The following PDE8A variants were observed in gnomAD, a reference collection of about 807,000 sequenced individuals.
PDE8A encodes the protein phosphodiesterase 8A, also known as high affinity cAMP-specific and IBMX-insensitive 3',5'-cyclic phosphodiesterase 8A.
A neutral mutation model predicts 105.0 loss-of-function variants in PDE8A; 59 were observed. That is an observed-to-expected ratio of 0.56 (90% CI 0.46 to 0.70). The LOEUF is 0.70. PDE8A is among the 30% of genes least tolerant of loss of function. The pLI, the probability that PDE8A is intolerant of heterozygous loss-of-function variation, is 0.00. For missense variants in PDE8A, 1,014 were observed against 1,045.9 expected (o/e 0.97, Z 0.42); for synonymous variants, 355 against 371.9 (o/e 0.95, Z 0.52).
chr15:85,121,028 T>G lies in PDE8A; in HGVS notation c.1952+14T>G. On this transcript the variant is annotated intron_variant, in intron 18 of 21. Transcript: ENST00000394553. ...AAACATGGAGAGGTAAGAACAATGA[T>G]TGGGAAGTGTGTTGATCCCTCTCTT... is the stretch of plus-strand genomic sequence containing the variant. 3 of 1,507,886 alleles carry G rather than the reference T, an allele frequency of 2.0e-6. No homozygotes were observed. The highest frequency in any genetic ancestry group is 2.8e-6 in the Non-Finnish European group (3 of 1,089,950). The allele number at this position is 1,507,886 out of a possible 1,614,324, so 93.4% of individuals were successfully genotyped here.
intron 1 of PDE8A, among the ~76,000 whole-genome samples, chr15:85,030,873 A>G (rs2080603721): frequency 6.6e-6 from 1 of 152,110 alleles, no homozygotes; most frequent in African/African-American, 2.4e-5. Flanking sequence ...TTTCAGTCAC[A>G]CTCTCTACAA....
chr15:85,055,698 G>T (rs1037788016), intron 1 of PDE8A, among the ~76,000 whole-genome samples: 1 of 152,124 alleles, frequency 6.6e-6, no homozygotes, highest in African/African-American at 2.4e-5. Context: ...TTGAGCCTGT[G>T]TGTGTCTCTG....
At chr15:85,032,779 T>A (rs2080637111) in intron 1 of PDE8A, among the ~76,000 whole-genome samples, 1 of 152,144 alleles carries the variant, frequency 6.6e-6, no homozygotes, top group South Asian at 2.1e-4. Flanking sequence ...TTTTAAAAAA[T>A]CAAAGAATAT....
chr15:85,105,148 A>G (rs1464620227), intron 11 of PDE8A, among the ~76,000 whole-genome samples: 1 of 152,074 alleles, frequency 6.6e-6, no homozygotes, highest in Non-Finnish European at 1.5e-5. Flanking sequence ...CCCAGGCCTC[A>G]TACTTTGCAG....
At chr15:84,982,376 G>T in intron 1 of PDE8A, 28 bp downstream of exon 1, 1 of 1,282,980 alleles carries the variant, frequency 7.8e-7, no homozygotes, top group East Asian at 3.1e-5. Flanking sequence ...CTCTGGGGCC[G>T]CCGCGAAACT....
At chr15:85,075,295 T>G (rs1487588124) in intron 3 of PDE8A, among the ~76,000 whole-genome samples, 1 of 152,236 alleles carries the variant, frequency 6.6e-6, no homozygotes, top group Non-Finnish European at 1.5e-5. Flanking sequence ...TCTTAACCTT[T>G]TCATGAGGTG....
chr15:85,104,035 C>G (rs1382784239), intron 11 of PDE8A, among the ~76,000 whole-genome samples: 3 of 152,192 alleles, frequency 2.0e-5, no homozygotes, highest in Non-Finnish European at 4.4e-5. Flanking sequence ...GTAATAAAAT[C>G]CCAATACATG....
chr15:85,044,950 A>C lies in PDE8A; in HGVS notation c.187-19420A>C, dbSNP rs114749762. ...ATGACCCCTGCTTAGCTGTAACTTC[A>C]TCTCATGACCTTCTTTGTATGGCCC... On this transcript the variant is annotated intron_variant, in intron 1 of 21. Coordinates refer to ENST00000394553, the MANE Select transcript of PDE8A (RefSeq NM_002605.3). Among the ~76,000 whole-genome samples the C allele has an allele frequency of 9.0e-3, 1,367 of 152,190 alleles. 23 individuals are homozygous for C. The highest frequency in any genetic ancestry group is 0.031 in the African/African-American group (1,294 of 41,446).
chr15:85,123,427 TC>T (rs1161935325), intron 19 of PDE8A, among the ~76,000 whole-genome samples: 1 of 149,312 alleles, frequency 6.7e-6, no homozygotes, highest in East Asian at 2.0e-4. Context: ...GATCACAAGG[TC>T]CCACAATAGG....
In PDE8A at chr15:85,058,765, A is replaced by G. The variant is rs550690419; in HGVS notation, c.187-5605A>G. ...TAGCAATGTCCCTACTTTCATTTCT[A>G]ATTTTGGTAATTTGAGTCATTTTTA... is the stretch of plus-strand genomic sequence containing the variant. On this transcript the variant is annotated intron_variant, in intron 1 of 21. Transcript: ENST00000394553. Among the ~76,000 whole-genome samples the G allele has an allele frequency of 2.6e-5, 4 of 152,088 alleles. No individual in the cohort carries two copies. In the South Asian group the frequency reaches 6.2e-4, roughly 24 times the overall value.
chr15:85,130,414 T>G (rs2082314317), intron 20 of PDE8A, among the ~76,000 whole-genome samples: 1 of 152,224 alleles, frequency 6.6e-6, no homozygotes, highest in South Asian at 2.1e-4. Context: ...TTGGTTCATT[T>G]CACTGTTATT....
At chr15:85,122,551 A>G (rs1344124896) in intron 18 of PDE8A, among the ~76,000 whole-genome samples, 1 of 152,246 alleles carries the variant, frequency 6.6e-6, no homozygotes, top group Non-Finnish European at 1.5e-5. Flanking sequence ...AACTGCAGAA[A>G]AGGGATTGAA....
At chr15:85,136,500 T>A (rs1206398976) in intron 20 of PDE8A, 34 bp from the exon 21 acceptor site, 1 of 1,597,408 alleles carries the variant, frequency 6.3e-7, no homozygotes, top group Non-Finnish European at 8.5e-7. Context: ...GAACCAGATG[T>A]TGGGGTCTCC....
In PDE8A at chr15:85,004,739, T is replaced by C. The variant is rs117456873; in HGVS notation, c.186+22391T>C. On this transcript the variant is annotated intron_variant, in intron 1 of 21. Transcript: ENST00000394553. Reference sequence around the variant, plus strand: ...GTTCATTGCTGTCAGTTCTATGATGTTTCTTTGAATACTTGAACACAACCA... The same window carrying C: ...GTTCATTGCTGTCAGTTCTATGATGCTTCTTTGAATACTTGAACACAACCA... Among the ~76,000 whole-genome samples the C allele has an allele frequency of 5.4e-3, 824 of 152,316 alleles. 7 individuals carry two copies. The highest frequency in any genetic ancestry group is 0.015 in the Admixed American group (228 of 15,306).
chr15:85,083,488 G>A, intron 5 of PDE8A, 68 bp from the exon 6 acceptor site: 1 of 908,520 alleles, frequency 1.1e-6, no homozygotes, highest in Non-Finnish European at 1.8e-6. Flanking sequence ...TGTTTAAAGA[G>A]TTATTTTTAT....
intron 1 of PDE8A, among the ~76,000 whole-genome samples, chr15:85,013,729 G>C (rs1044192682): frequency 6.6e-6 from 1 of 152,184 alleles, no homozygotes; most frequent in Non-Finnish European, 1.5e-5. Flanking sequence ...TGAGAGAAGC[G>C]GGGCTCAATA....
At chr15:85,029,406 C>G (rs891341699) in intron 1 of PDE8A, among the ~76,000 whole-genome samples, 18 of 129,588 alleles carry the variant, frequency 1.4e-4, no homozygotes, top group Non-Finnish European at 2.1e-4. Flanking sequence ...TCTGTTTTGT[C>G]CTCACGGGTC....
At chr15:85,019,389 A>G (rs1268176593) in intron 1 of PDE8A, among the ~76,000 whole-genome samples, 1 of 152,118 alleles carries the variant, frequency 6.6e-6, no homozygotes, top group Non-Finnish European at 1.5e-5. Flanking sequence ...TTTTGATTTG[A>G]GTGATGGGTT....
intron 1 of PDE8A, among the ~76,000 whole-genome samples, chr15:85,043,008 A>G (rs1208073651): frequency 2.0e-5 from 3 of 152,204 alleles, no homozygotes; most frequent in Non-Finnish European, 2.9e-5. Context: ...AGCCAACCCA[A>G]TAAAACCTAG....
Sources: allele counts gnomAD v4.1 joint callset (sites outside exome capture counted in the v4.1 genomes callset), GRCh38; gene constraint gnomAD v4.1.1; transcripts MANE v1.5; gene names NCBI Gene and HGNC (gene_info 2026-07-23, HGNC 2026-07-21).